LRRTM4: variants seen among roughly 807,000 people sequenced by gnomAD.
The protein encoded by LRRTM4 is leucine rich repeat transmembrane neuronal 4, also known as leucine-rich repeat transmembrane neuronal protein 4.
In LRRTM4, 25 loss-of-function variants were observed where a neutral mutation model predicts 47.6. That is an observed-to-expected ratio of 0.53 (90% CI 0.38 to 0.73). The LOEUF is 0.73. LRRTM4 is among the 30% of genes least tolerant of loss of function. The probability of loss-of-function intolerance (pLI) is 0.00; values close to 1 mark genes in which losing one functional copy is unlikely to be tolerated. For missense variants in LRRTM4, 638 were observed against 713.4 expected, an observed-to-expected ratio of 0.89 and a Z score of 1.20; for synonymous variants, 311 against 269.5, an observed-to-expected ratio of 1.15 and a Z score of -1.51.
intron 3 of LRRTM4, among the ~76,000 whole-genome samples, chr2:76,843,254 T>G (rs570973850): frequency 6.6e-6 from 1 of 152,154 alleles, no homozygotes; most frequent in South Asian, 2.1e-4. Flanking sequence ...GGTTTGAAGT[T>G]TGTCCAGGGT....
intron 3 of LRRTM4, among the ~76,000 whole-genome samples, chr2:76,969,642 A>G (rs1483235870): frequency 6.6e-6 from 1 of 151,972 alleles, no homozygotes; most frequent in Non-Finnish European, 1.5e-5. Flanking sequence ...AAAATGCCAT[A>G]ACAACAAAAT....
chr2:77,063,918 AT>A lies in LRRTM4; in HGVS notation c.1552-315003del, dbSNP rs543727994. ...AAAATAAAGATGACTAATGGCCTAG[AT>A]TTTTTTTTTGGAAGGAGACTAAGGC... is the stretch of plus-strand genomic sequence containing the variant. On this transcript the variant is annotated intron_variant, in intron 3 of 3. Transcript: ENST00000409884. Among the ~76,000 whole-genome samples, 474 of 150,348 alleles carry A rather than the reference AT, an allele frequency of 3.2e-3. 1 individual carries two copies. Among genetic ancestry groups the A allele is most frequent in the Middle Eastern group, 0.01 (3 of 290 alleles).
intron 3 of LRRTM4, among the ~76,000 whole-genome samples, chr2:76,925,068 T>C (rs1462714777): frequency 6.6e-6 from 1 of 152,092 alleles, no homozygotes; most frequent in Non-Finnish European, 1.5e-5. Context: ...ATGATCATAA[T>C]ACATTGTATG....
Position 77,518,754 on chromosome 2 carries a change from T to C in LRRTM4, c.1115A>G (p.His372Arg). The C allele has an allele frequency of 1.2e-6, 2 of 1,613,324 alleles. No individual in the cohort carries two copies. Among genetic ancestry groups the C allele is most frequent in the South Asian group, 2.2e-5 (2 of 91,068 alleles). ...TTTCTGGGGAGTTTGGGGCACCAGGTGTGATCTTTCTGTGTTGACCACCTG... is the reference window on the plus strand; with the variant it reads ...TTTCTGGGGAGTTTGGGGCACCAGGCGTGATCTTTCTGTGTTGACCACCTG... The part of the protein sequence containing the change: ...EVQVVNTERS[H>R]LVPQTPQKPL... The change falls in exon 3 of 4, where the codon CAC (histidine) becomes CGC (arginine). Residue 372 changes from histidine (H) to arginine (R), a missense_variant. Transcript: ENST00000409884.
intron 3 of LRRTM4, among the ~76,000 whole-genome samples, chr2:77,425,091 T>C (rs1675054041): frequency 6.6e-6 from 1 of 152,112 alleles, no homozygotes. Context: ...ACTCACAGAG[T>C]GAGGAATTTG....
chr2:76,942,676 CTG>C (rs61077287), intron 3 of LRRTM4, among the ~76,000 whole-genome samples: 6,480 of 148,126 alleles, frequency 0.044, 396 homozygotes, highest in African/African-American at 0.13. Flanking sequence ...CTCTAGGAAT[CTG>C]TGTGTGTGTG....
chr2:76,952,989 G>C (rs1303970270), intron 3 of LRRTM4, among the ~76,000 whole-genome samples: 2 of 151,618 alleles, frequency 1.3e-5, no homozygotes, highest in African/African-American at 4.8e-5. Context: ...TAGCATCCAA[G>C]GACATAAATA....
intron 3 of LRRTM4, among the ~76,000 whole-genome samples, chr2:76,906,988 C>A (rs1014846701): frequency 2.0e-5 from 3 of 152,022 alleles, no homozygotes; most frequent in African/African-American, 7.2e-5. Flanking sequence ...AGCTCTGCAC[C>A]AAGCAGAATA....
intron 3 of LRRTM4, among the ~76,000 whole-genome samples, chr2:76,974,064 G>C (rs898367188): frequency 6.6e-6 from 1 of 150,590 alleles, no homozygotes; most frequent in African/African-American, 2.4e-5. Flanking sequence ...TTAGAGAAAG[G>C]TTTTACCATC....
intron 3 of LRRTM4, among the ~76,000 whole-genome samples, chr2:77,220,767 T>A (rs1172506351): frequency 1.3e-5 from 2 of 152,218 alleles, no homozygotes; most frequent in African/African-American, 4.8e-5. Context: ...TGGAACCAAG[T>A]TGGAAAACAC....
At chr2:77,266,488 G>C (rs992522675) in intron 3 of LRRTM4, among the ~76,000 whole-genome samples, 1 of 152,010 alleles carries the variant, frequency 6.6e-6, no homozygotes, top group African/African-American at 2.4e-5. Context: ...ACAAAGAGCA[G>C]ATATCAGAAG....
intron 3 of LRRTM4, among the ~76,000 whole-genome samples, chr2:77,355,990 G>C (rs1249996834): frequency 1.3e-5 from 2 of 152,246 alleles, no homozygotes; most frequent in East Asian, 1.9e-4. Context: ...CTACTTGGGA[G>C]ACTGAGACAG....
At chr2:76,900,308 C>T (rs947278233) in intron 3 of LRRTM4, among the ~76,000 whole-genome samples, 3 of 150,012 alleles carry the variant, frequency 2.0e-5, no homozygotes, top group Non-Finnish European at 1.5e-5. Context: ...GTGTGGGATA[C>T]TGATATATAT....
At chr2:76,983,403 G>A (rs865854577) in intron 3 of LRRTM4, among the ~76,000 whole-genome samples, 4 of 151,974 alleles carry the variant, frequency 2.6e-5, no homozygotes, top group Non-Finnish European at 5.9e-5. Flanking sequence ...TCATCTGGGC[G>A]GTTTCCCCCA....
intron 3 of LRRTM4, among the ~76,000 whole-genome samples, chr2:77,363,319 G>C (rs1672312639): frequency 6.6e-6 from 1 of 152,086 alleles, no homozygotes; most frequent in Non-Finnish European, 1.5e-5. Context: ...AGAAAAAAAG[G>C]AATAGGAGGT....
At chr2:77,356,969 CACTAT>C (rs1243489065) in intron 3 of LRRTM4, among the ~76,000 whole-genome samples, 1 of 152,038 alleles carries the variant, frequency 6.6e-6, no homozygotes, top group African/African-American at 2.4e-5. Context: ...CTTAGGAATT[CACTAT>C]ACCTTCCTCT....
intron 3 of LRRTM4, among the ~76,000 whole-genome samples, chr2:76,906,437 A>T (rs1673842542): frequency 6.6e-6 from 1 of 152,178 alleles, no homozygotes; most frequent in East Asian, 1.9e-4. Context: ...AACTGCATCA[A>T]CTAACGAGCA....
chr2:76,941,060 C>G (rs1462286202), intron 3 of LRRTM4, among the ~76,000 whole-genome samples: 1 of 151,884 alleles, frequency 6.6e-6, no homozygotes, highest in African/African-American at 2.4e-5. Context: ...TTTGATTTGT[C>G]TTTCAACAGA....
intron 3 of LRRTM4, among the ~76,000 whole-genome samples, chr2:76,785,537 T>TTTAACTTGGAAGGTGTTTC: frequency 6.6e-6 from 1 of 152,246 alleles, no homozygotes; most frequent in East Asian, 1.9e-4. Context: ...GGATCTTCAA[T>TTTAACTTGGAAGGTGTTTC]TTAACTTGGA....
Sources: gnomAD v4.1 joint callset for allele counts (sites outside exome capture counted in the v4.1 genomes callset) on GRCh38, gnomAD v4.1.1 for gene constraint, MANE v1.5 for transcripts, NCBI Gene and HGNC (gene_info 2026-07-23, HGNC 2026-07-21) for gene names.